The following SERPINB7 variants were observed in gnomAD, a reference collection of about 807,000 sequenced individuals.
SERPINB7 encodes the protein serpin B7.
SERPINB7 carries 31 observed loss-of-function variants against 37.4 expected under a neutral mutation model. That is an observed-to-expected ratio of 0.83 (90% CI 0.62 to 1.12). The LOEUF is 1.12. Ranked by LOEUF, SERPINB7 falls within the 50% of genes most tolerant of loss-of-function variation. The pLI is 0.00. For synonymous variants in SERPINB7, 163 were observed against 166.1 expected, an observed-to-expected ratio of 0.98 and a Z score of 0.14; for missense variants, 521 against 455.3, an observed-to-expected ratio of 1.14 and a Z score of -1.31.
In SERPINB7 at chr18:63,786,210, GTATATATA is replaced by G. The variant is rs143561199; in HGVS notation, c.168+3687_168+3694del. On this transcript the variant is annotated intron_variant, in intron 2 of 7. Transcript: ENST00000398019. ...ACACACACCAGCATGGCACATACGT[GTATATATA>G]TATATATATATATATACACACACAC... is the stretch of plus-strand genomic sequence containing the variant. 1.4e-3 allele frequency among the ~76,000 whole-genome samples: 93 copies of G among 64,324 alleles called. 6 individuals are homozygous for G. Among genetic ancestry groups the G allele is most frequent in the African/African-American group, 4.6e-3 (86 of 18,606 alleles). 42.2% of individuals were successfully genotyped at this position (64,324 alleles called of 152,430 possible). A position where few individuals can be genotyped will look rare whatever the true frequency, so the allele number is the denominator to read the frequency against.
Position 63,798,718 on chromosome 18 carries a change from C to T in SERPINB7, c.569C>T (p.Thr190Ile). The change falls in exon 6 of 8, where the codon ACC becomes ATC. Residue 190 changes from threonine (T) to isoleucine (I), a missense_variant. Thr to Ile is a moderately conservative substitution (Grantham distance 89, BLOSUM62 -1). Transcript: ENST00000398019. ...KWQSAFTKSETINCHFKSPKC... is the reference protein window; with the variant it reads ...KWQSAFTKSEIINCHFKSPKC... ...CAATCAGCCTTCACCAAGAGCGAAACCATAAATTGCCATTTCAAATCTCCC... is the reference window on the plus strand; with the variant it reads ...CAATCAGCCTTCACCAAGAGCGAAATCATAAATTGCCATTTCAAATCTCCC... 6 of 1,612,544 alleles carry T rather than the reference C, an allele frequency of 3.7e-6. No individual in the cohort carries two copies. The highest frequency in any genetic ancestry group is 5.1e-6 in the Non-Finnish European group (6 of 1,179,494).
Position 63,798,663 on chromosome 18 carries a change from G to A in SERPINB7, c.514G>A (p.Val172Met), listed in dbSNP as rs1217030782. 1 of 1,612,004 alleles carries A rather than the reference G, an allele frequency of 6.2e-7. No homozygotes were observed. The highest frequency in any genetic ancestry group is 8.5e-7 in the Non-Finnish European group (1 of 1,179,114). Residue 172 changes from valine (V) to methionine (M), a missense_variant, in exon 6 of 8, where the codon GTG becomes ATG. By Grantham distance (21) the Val-to-Met change is conservative. Transcript: ENST00000398019. ...AAGCTCATCTGCTGTAATGGTGCTG[G>A]TGAATGCTGTGTACTTCAAAGGCAA... Reference protein sequence around the residue: ...GISSSAVMVLVNAVYFKGKWQ... With the variant: ...GISSSAVMVLMNAVYFKGKWQ...
intron 1 of SERPINB7, among the ~76,000 whole-genome samples, chr18:63,754,325 T>C (rs2049108295): frequency 6.6e-6 from 1 of 152,210 alleles, no homozygotes. Context: ...TTATGTTGAA[T>C]GAATGAAGGC....
intron 1 of SERPINB7, among the ~76,000 whole-genome samples, chr18:63,776,779 A>G (rs1198618850): frequency 6.6e-6 from 1 of 151,724 alleles, no homozygotes; most frequent in Non-Finnish European, 1.5e-5. Context: ...GTGTACTATG[A>G]TATACTTTTC....
At position 63,804,609 on chromosome 18, in the gene SERPINB7, T is replaced by C; in HGVS notation, c.1117T>C (p.Phe373Leu). The C allele has an allele frequency of 1.9e-6, 3 of 1,611,054 alleles. 1 individual carries two copies. The highest frequency in any genetic ancestry group is 2.2e-5 in the East Asian group (1 of 44,862). Reference protein sequence around the residue: ...FVIRKDDIILFSGKVSCP With the variant: ...FVIRKDDIILLSGKVSCP ...TATCAGGAAGGATGACATCATCTTA[T>C]TCAGTGGCAAAGTTTCTTGCCCTTG... Residue 373 changes from phenylalanine (F) to leucine (L), a missense_variant, in exon 8 of 8, where the codon TTC becomes CTC. By Grantham distance (22) the Phe-to-Leu change is conservative. Transcript: ENST00000398019.
chr18:63,793,354 A>G, intron 4 of SERPINB7, 77 bp downstream of exon 4: 3 of 701,720 alleles, frequency 4.3e-6, no homozygotes, highest in Non-Finnish European at 7.3e-6. Context: ...GTGTCTTTCT[A>G]CTGAGCAATA....
At chr18:63,800,612 G>A (rs1006670806) in intron 6 of SERPINB7, among the ~76,000 whole-genome samples, 1 of 152,094 alleles carries the variant, frequency 6.6e-6, no homozygotes, top group Non-Finnish European at 1.5e-5. Context: ...GGAAATGGAG[G>A]AACAGAGAGG....
At chr18:63,768,959 G>A (rs1598992952) in intron 1 of SERPINB7, among the ~76,000 whole-genome samples, 3 of 152,182 alleles carry the variant, frequency 2.0e-5, no homozygotes, top group African/African-American at 7.2e-5. Flanking sequence ...CCATTGTTTG[G>A]CTATACCACA....
At chr18:63,768,727 C>T (rs1447733011) in intron 1 of SERPINB7, among the ~76,000 whole-genome samples, 1 of 151,952 alleles carries the variant, frequency 6.6e-6, no homozygotes, top group African/African-American at 2.4e-5. Context: ...ATTGCCACAC[C>T]CAGGAAACCA....
chr18:63,789,444 C>T (rs1287648221), intron 2 of SERPINB7, among the ~76,000 whole-genome samples: 1 of 152,064 alleles, frequency 6.6e-6, no homozygotes, highest in African/African-American at 2.4e-5. Flanking sequence ...CTTTTATTTC[C>T]TTTCTTATAG....
At chr18:63,771,909 C>T (rs79475085), upstream of SERPINB7, among the ~76,000 whole-genome samples, 1 of 146,992 alleles carries the variant, frequency 6.8e-6, no homozygotes, top group African/African-American at 2.5e-5. Flanking sequence ...CTTCATGGTT[C>T]AAAAAGGAAA....
Position 63,792,441 on chromosome 18 carries a change from C to A in SERPINB7, c.217C>A (p.Gln73Lys). Residue 73 changes from glutamine to lysine, a missense_variant and splice_region_variant, in exon 3 of 8, where the codon CAG (glutamine) becomes AAG (lysine). By Grantham distance (53) the Gln-to-Lys change is moderately conservative (BLOSUM62 1). Transcript: ENST00000398019. ...AGGATATGGAAACTCTTCTAATAGT[C>A]AGGTAAAGACAATATGTTCTTTTAG... ...ASGYGNSSNSQSGLQSQLKRV... is the reference protein window; with the variant it reads ...ASGYGNSSNSKSGLQSQLKRV... The A allele has an allele frequency of 6.3e-7, 1 of 1,584,266 alleles. No homozygotes were observed. The highest frequency in any genetic ancestry group is 8.7e-7 in the Non-Finnish European group (1 of 1,153,394).
intron 1 of SERPINB7, among the ~76,000 whole-genome samples, chr18:63,776,226 G>T (rs2049246441): frequency 6.6e-6 from 1 of 151,896 alleles, no homozygotes; most frequent in Admixed American, 6.6e-5. Flanking sequence ...ACATAAAGAT[G>T]AATTCAATAG....
upstream of SERPINB7, among the ~76,000 whole-genome samples, chr18:63,770,781 G>C (rs1052935724): frequency 1.3e-5 from 2 of 151,238 alleles, no homozygotes; most frequent in Non-Finnish European, 2.9e-5. Flanking sequence ...CTACTATTAG[G>C]GTATAGAGTT....
intron 1 of SERPINB7, among the ~76,000 whole-genome samples, chr18:63,780,324 G>A (rs2049289230): frequency 6.6e-6 from 1 of 152,018 alleles, no homozygotes. Flanking sequence ...AATCAGCATA[G>A]ATTTCATTTT....
At chr18:63,783,234 GAAAGAAAGAA>G (rs1452691488) in intron 2 of SERPINB7, among the ~76,000 whole-genome samples, 45 of 62,558 alleles carry the variant, frequency 7.2e-4, no homozygotes, top group Admixed American at 1.1e-3. Context: ...GAGAGAGAGA[GAAAGAAAGAA>G]AGAAAGAAAG....
intron 1 of SERPINB7, among the ~76,000 whole-genome samples, chr18:63,753,862 A>G (rs1430145708): frequency 6.6e-6 from 1 of 152,178 alleles, no homozygotes; most frequent in East Asian, 1.9e-4. Context: ...ACAAATCCCA[A>G]ACTATGTATA....
At chr18:63,787,035 T>G (rs986288090) in intron 2 of SERPINB7, among the ~76,000 whole-genome samples, 2 of 152,218 alleles carry the variant, frequency 1.3e-5, no homozygotes, top group Non-Finnish European at 2.9e-5. Flanking sequence ...GGTATAAACA[T>G]GAAATTCATT....
At chr18:63,771,270 T>C (rs1484232734), upstream of SERPINB7, among the ~76,000 whole-genome samples, 1 of 152,074 alleles carries the variant, frequency 6.6e-6, no homozygotes, top group Non-Finnish European at 1.5e-5. Flanking sequence ...TTGGCATGCT[T>C]TGTGAAATCC....
Sources: allele counts gnomAD v4.1 joint callset (sites outside exome capture counted in the v4.1 genomes callset), GRCh38; gene constraint gnomAD v4.1.1; transcripts MANE v1.5; gene names NCBI Gene and HGNC (gene_info 2026-07-23, HGNC 2026-07-21).